Variants in ATP5F1C observed in about 807,000 individuals in gnomAD.
The protein encoded by ATP5F1C is ATP synthase F(1) complex subunit gamma, mitochondrial.
ATP5F1C carries 22 observed loss-of-function variants against 37.4 expected under a neutral mutation model. The ratio of observed to expected loss-of-function variants is 0.59; its 90% CI spans 0.42 to 0.84. ATP5F1C has a LOEUF of 0.84. Among genes scored for constraint, ATP5F1C ranks in the 40% least tolerant of loss-of-function variants. ATP5F1C has a pLI of 0.00. For missense variants in ATP5F1C, 286 were observed against 362.4 expected (o/e 0.79, Z 1.71); for synonymous variants, 121 against 128.0 (o/e 0.95, Z 0.37).
chr10:7,802,182 TA>T, intron 6 of ATP5F1C, 87 bp from the exon 7 acceptor site: 1 of 1,325,344 alleles, frequency 7.5e-7, no homozygotes. Context: ...TCTGTAATTA[TA>T]AAGGAGTTTT....
intron 8 of ATP5F1C, among the ~76,000 whole-genome samples, chr10:7,806,473 G>T (rs186004772): frequency 6.6e-6 from 1 of 152,180 alleles, no homozygotes; most frequent in East Asian, 1.9e-4. Context: ...TGGCCAACAT[G>T]GCAAAACCCC....
chr10:7,803,302 C>T (rs1159776382), intron 8 of ATP5F1C, among the ~76,000 whole-genome samples: 2 of 152,058 alleles, frequency 1.3e-5, no homozygotes, highest in Admixed American at 6.6e-5. Flanking sequence ...ATAGTATAGC[C>T]ATCCCTCAGT....
intron 8 of ATP5F1C, among the ~76,000 whole-genome samples, chr10:7,805,605 G>A (rs532467739): frequency 6.6e-6 from 1 of 152,100 alleles, no homozygotes; most frequent in African/African-American, 2.4e-5. Context: ...AAATTAGCTG[G>A]GCGTGGTGGT....
intron 1 of ATP5F1C, among the ~76,000 whole-genome samples, chr10:7,791,144 A>C (rs1352664619): frequency 6.6e-6 from 1 of 152,128 alleles, no homozygotes; most frequent in Non-Finnish European, 1.5e-5. Flanking sequence ...TACTAAAAAT[A>C]CAAAAATTAC....
In ATP5F1C at chr10:7,796,145, T is replaced by A. The variant is rs977159398; in HGVS notation, c.81T>A (p.Thr27=). ...GGATTCAAGTTCGAAATATGGCAAC[T>A]TTGAAAGATAGTAAGTATGTTGTTT... ...PQWIQVRNMA[T]LKDITRRLKS... Residue 27 remains threonine, a synonymous_variant, in exon 2 of 10, where the codon ACT becomes ACA. Coordinates refer to ENST00000356708, the MANE Select transcript of ATP5F1C (RefSeq NM_001001973.3). The A allele has an allele frequency of 1.1e-5, 18 of 1,588,590 alleles. No individual in the cohort carries two copies. The highest frequency in any genetic ancestry group is 9.0e-5 in the East Asian group (4 of 44,240).
chr10:7,807,643 G>A lies in ATP5F1C; in HGVS notation c.*31-16G>A, dbSNP rs1588506161. ...TGCTGTTTGATTTCTTACTTGTTCT[G>A]TACTTTGTTTTTCAGGTAAAGAAGG... is the stretch of plus-strand genomic sequence containing the variant. On this transcript the variant is annotated splice_polypyrimidine_tract_variant and intron_variant, in intron 9 of 9. Coordinates refer to ENST00000356708, the MANE Select transcript of ATP5F1C (RefSeq NM_001001973.3). 2 of 1,606,138 alleles carry A rather than the reference G, an allele frequency of 1.2e-6. No individual in the cohort carries two copies. Among genetic ancestry groups the A allele is most frequent in the Non-Finnish European group, 8.5e-7 (1 of 1,175,974 alleles).
intron 6 of ATP5F1C, among the ~76,000 whole-genome samples, chr10:7,801,105 C>T (rs1836357771): frequency 6.6e-6 from 1 of 152,206 alleles, no homozygotes; most frequent in South Asian, 2.1e-4. Flanking sequence ...CATCATTGAT[C>T]ATTGAAGCAT....
rs1836293698 is a variant in ATP5F1C, at chr10:7,798,891, A to G, written c.224-99A>G. ...CTAGGCAGTTGCCAGCTAAATTTAA[A>G]TGCGTATTTTGGAAATAACCAACTG... On this transcript the variant is annotated intron_variant, in intron 3 of 9. Coordinates refer to ENST00000356708, the MANE Select transcript of ATP5F1C (RefSeq NM_001001973.3). 8 of 1,168,222 alleles carry G rather than the reference A, an allele frequency of 6.8e-6. No individual in the cohort carries two copies. In the African/African-American group the frequency reaches 1.1e-4, roughly 16 times the overall value. The allele number at this position is 1,168,222 out of a possible 1,614,324, so 72.4% of individuals were successfully genotyped here.
rs145144366 is a variant in ATP5F1C at position 7,789,607 on chromosome 10, G to A, written c.56+1344G>A. Among the ~76,000 whole-genome samples, 159 of 152,316 alleles carry A rather than the reference G, an allele frequency of 1.0e-3. 1 individual carries two copies. The highest frequency in any genetic ancestry group is 3.7e-3 in the African/African-American group (152 of 41,576). On this transcript the variant is annotated intron_variant, in intron 1 of 9. Transcript: ENST00000356708. The stretch of plus-strand genomic sequence containing the variant: ...ACTTGGAAAGTGCCCAAATGTGATG[G>A]TGAGCAAATAGATAAGGTCTCAGTC...
At chr10:7,790,160 T>C (rs1173919251) in intron 1 of ATP5F1C, among the ~76,000 whole-genome samples, 2 of 152,204 alleles carry the variant, frequency 1.3e-5, no homozygotes, top group Non-Finnish European at 2.9e-5. Flanking sequence ...ACAGAATTAA[T>C]TTGGAAGGGG....
At position 7,798,979 on chromosome 10, in the gene ATP5F1C, T is replaced by G; in HGVS notation, c.224-11T>G. The G allele has an allele frequency of 6.2e-7, 1 of 1,608,968 alleles. No individual in the cohort carries two copies. The highest frequency in any genetic ancestry group is 8.5e-7 in the Non-Finnish European group (1 of 1,178,742). On this transcript the variant is annotated splice_polypyrimidine_tract_variant and intron_variant, in intron 3 of 9. Transcript: ENST00000356708. ...CATATAAAAAAATTACTGCTTTTGT[T>G]TGTTTTTAAGCTCTGTATGAAAAAG...
intron 8 of ATP5F1C, among the ~76,000 whole-genome samples, chr10:7,806,421 G>A (rs1027036073): frequency 2.0e-5 from 3 of 152,154 alleles, no homozygotes; most frequent in East Asian, 1.9e-4. Context: ...TTGGGAGGCC[G>A]AGGCGGGTGG....
chr10:7,802,143 C>A, intron 6 of ATP5F1C, 127 bp from the exon 7 acceptor site: 1 of 951,098 alleles, frequency 1.1e-6, no homozygotes, highest in South Asian at 1.9e-5. Flanking sequence ...AGAACAGATT[C>A]ATTTACCTTA....
At chr10:7,804,268 T>G (rs1836430877) in intron 8 of ATP5F1C, 1 of 508,938 alleles carries the variant, frequency 2.0e-6, no homozygotes, top group African/African-American at 1.9e-5. Context: ...AATAACAAAA[T>G]CCATTCTCTG....
intron 1 of ATP5F1C, among the ~76,000 whole-genome samples, chr10:7,791,385 A>G (rs1836162408): frequency 6.6e-6 from 1 of 152,122 alleles, no homozygotes; most frequent in Middle Eastern, 3.2e-3. Flanking sequence ...CAGGTAATGG[A>G]CTTTTACACG....
chr10:7,799,688 CAAT>C lies in ATP5F1C; in HGVS notation c.429-83_429-81del, dbSNP rs1490559973. The C allele has an allele frequency of 4.6e-6, 7 of 1,508,004 alleles. No homozygotes were observed. In the East Asian group the frequency reaches 1.6e-4, roughly 34 times the overall value. 93.4% of individuals were successfully genotyped at this position (1,508,004 alleles called of 1,614,324 possible). A position where few individuals can be genotyped will look rare whatever the true frequency, so the allele number is the denominator to read the frequency against. ...CCCCAAAAGACCTGATCCATGGTGA[CAAT>C]GTTTTCTCCTGCCTGTCCCCTGTGC... On this transcript the variant is annotated intron_variant, in intron 4 of 9. Coordinates refer to ENST00000356708, the MANE Select transcript of ATP5F1C (RefSeq NM_001001973.3).
chr10:7,791,731 A>G (rs1564330228), intron 1 of ATP5F1C, among the ~76,000 whole-genome samples: 1 of 152,206 alleles, frequency 6.6e-6, no homozygotes, highest in East Asian at 1.9e-4. Context: ...GCTATCCCTA[A>G]AGAGAGTTCA....
chr10:7,804,547 G>T (rs1270903361), intron 8 of ATP5F1C, among the ~76,000 whole-genome samples: 1 of 152,138 alleles, frequency 6.6e-6, no homozygotes, highest in African/African-American at 2.4e-5. Flanking sequence ...TACTCAGCTG[G>T]GGGAATCCTT....
rs768915599 is a variant in ATP5F1C at position 7,799,850 on chromosome 10, T to C, written c.507T>C (p.Ile169=). The change falls in exon 5 of 10, where the codon ATT becomes ATC. Residue 169 remains isoleucine (I), a synonymous_variant. Coordinates refer to ENST00000356708, the MANE Select transcript of ATP5F1C (RefSeq NM_001001973.3). ...CCACTTTTGGAGATGCGTCAGTCAT[T>C]GCCCTTGAATTACTAAATTCTGGAT... ...KPPTFGDASV[I]ALELLNSGYE... The C allele has an allele frequency of 1.2e-6, 2 of 1,614,226 alleles. No homozygotes were observed. Among genetic ancestry groups the C allele is most frequent in the South Asian group, 1.1e-5 (1 of 91,088 alleles).
Sources: gnomAD v4.1 joint callset for allele counts (sites outside exome capture counted in the v4.1 genomes callset) on GRCh38, gnomAD v4.1.1 for gene constraint, MANE v1.5 for transcripts, NCBI Gene and HGNC (gene_info 2026-07-23, HGNC 2026-07-21) for gene names.